LARP4B: variants seen among roughly 807,000 people sequenced by gnomAD.
The protein encoded by LARP4B is la-related protein 4B.
A neutral mutation model predicts 89.8 loss-of-function variants in LARP4B; 12 were observed. The ratio of observed to expected loss-of-function variants is 0.13; its 90% CI spans 0.09 to 0.22. The LOEUF (loss-of-function observed/expected upper bound fraction) is 0.22. Among genes scored for constraint, LARP4B ranks in the 10% least tolerant of loss-of-function variants. The pLI is 1.00. For missense variants in LARP4B, 757 were observed against 947.7 expected (o/e 0.80, Z 2.64); for synonymous variants, 367 against 363.3 (o/e 1.01, Z -0.12).
At chr10:915,516 T>C (rs1008750231) in intron 1 of LARP4B, among the ~76,000 whole-genome samples, 5 of 152,082 alleles carry the variant, frequency 3.3e-5, no homozygotes, top group African/African-American at 4.8e-5. Flanking sequence ...AAAGTTTTTG[T>C]TTTTTTGGCC....
At chr10:969,037 T>C in the LARP4B span, among the ~76,000 whole-genome samples, 1 of 152,198 alleles carries the variant, frequency 6.6e-6, no homozygotes, top group Non-Finnish European at 1.5e-5. Context: ...GCACCGTATC[T>C]TAAGAGAGAC....
At chr10:836,722 G>A (rs1400996700) in intron 7 of LARP4B, among the ~76,000 whole-genome samples, 2 of 152,148 alleles carry the variant, frequency 1.3e-5, no homozygotes, top group Admixed American at 6.5e-5. Flanking sequence ...ATGAAACAAA[G>A]GTTCTAAACA....
At chr10:856,490 A>G (rs777947251) in intron 5 of LARP4B, among the ~76,000 whole-genome samples, 1 of 152,246 alleles carries the variant, frequency 6.6e-6, no homozygotes, top group Non-Finnish European at 1.5e-5. Flanking sequence ...CAAATTGGAC[A>G]GACAGACAGA....
chr10:872,350 C>G (rs1835256040), intron 3 of LARP4B, among the ~76,000 whole-genome samples: 1 of 152,210 alleles, frequency 6.6e-6, no homozygotes, highest in Non-Finnish European at 1.5e-5. Flanking sequence ...GCTCGCCCGC[C>G]CCTGACATGG....
At chr10:924,711 G>C (rs1451142057) in intron 1 of LARP4B, among the ~76,000 whole-genome samples, 3 of 152,086 alleles carry the variant, frequency 2.0e-5, no homozygotes, top group Admixed American at 2.0e-4. Flanking sequence ...TCCAACCTCG[G>C]TGCCACCATC....
At chr10:945,435 C>T in the LARP4B span, among the ~76,000 whole-genome samples, 46 of 149,616 alleles carry the variant, frequency 3.1e-4, no homozygotes, top group African/African-American at 9.4e-4. Flanking sequence ...ACCTGTAATC[C>T]CAGCACTTTG....
intron 1 of LARP4B, among the ~76,000 whole-genome samples, chr10:906,887 AC>A (rs961977739): frequency 5.9e-5 from 9 of 152,194 alleles, no homozygotes; most frequent in Non-Finnish European, 5.9e-5. Flanking sequence ...GAACTGAATT[AC>A]CACCCAGTTT....
chr10:876,071 T>C (rs1301510863), intron 3 of LARP4B, among the ~76,000 whole-genome samples: 5 of 152,234 alleles, frequency 3.3e-5, no homozygotes, highest in East Asian at 1.9e-4. Flanking sequence ...CAAAATACAA[T>C]GGTGGGACAG....
chr10:841,395 T>G (rs1054879092), intron 7 of LARP4B, among the ~76,000 whole-genome samples: 1 of 152,166 alleles, frequency 6.6e-6, no homozygotes, highest in East Asian at 1.9e-4. Flanking sequence ...GGATAAAAGT[T>G]AAGTCATAAA....
chr10:888,171 T>C (rs1309618903), intron 1 of LARP4B, among the ~76,000 whole-genome samples: 1 of 151,656 alleles, frequency 6.6e-6, no homozygotes, highest in African/African-American at 2.4e-5. Flanking sequence ...AATACAAAAA[T>C]GAGCTGGGCC....
At chr10:986,994 G>C in the LARP4B span, 1 of 151,982 alleles carries the variant, frequency 6.6e-6, no homozygotes, top group African/African-American at 2.4e-5. Context: ...GCAAAGTATT[G>C]ACTGGACTTA....
intron 3 of LARP4B, 58 bp downstream of exon 3, chr10:884,389 T>C: frequency 8.9e-7 from 1 of 1,120,444 alleles, no homozygotes; most frequent in South Asian, 1.3e-5. Context: ...CTTAAGGAAG[T>C]ATCTCTGAGC....
Position 820,807 on chromosome 10 carries a change from T to C in LARP4B, c.1523A>G (p.Lys508Arg), listed in dbSNP as rs1389013664. 3 of 1,613,308 alleles carry C rather than the reference T, an allele frequency of 1.9e-6. No individual in the cohort carries two copies. Among genetic ancestry groups the C allele is most frequent in the Middle Eastern group, 1.6e-4 (1 of 6,080 alleles). ...SFGYRKKREE[K>R]FTSSQTQSPT... is the part of the protein sequence containing the mutation. Reference sequence around the variant, plus strand: ...TATGCTTTATGTACTCACTGTAAACTTCTCCTCCCTTTTCTTCCGGTAGCC... The same window carrying C: ...TATGCTTTATGTACTCACTGTAAACCTCTCCTCCCTTTTCTTCCGGTAGCC... The change falls in exon 14 of 18, where the codon AAG (lysine) becomes AGG (arginine). Residue 508 changes from lysine to arginine, a missense_variant. Lys to Arg is a conservative substitution (Grantham distance 26, BLOSUM62 2). Transcript: ENST00000316157.
At chr10:909,725 C>A (rs538392518) in intron 1 of LARP4B, among the ~76,000 whole-genome samples, 1 of 151,952 alleles carries the variant, frequency 6.6e-6, no homozygotes, top group South Asian at 2.1e-4. Flanking sequence ...GCGGAGGTTG[C>A]AGTGAGCTGA....
chr10:852,620 C>G (rs1042567251), intron 5 of LARP4B, among the ~76,000 whole-genome samples: 10 of 152,090 alleles, frequency 6.6e-5, no homozygotes, highest in African/African-American at 2.2e-4. Flanking sequence ...TACTGGAGGG[C>G]CTATCTAGTA....
At chr10:809,493 A>AAC (rs2131578632), downstream of LARP4B, 1 of 152,366 alleles carries the variant, frequency 6.6e-6, no homozygotes, top group East Asian at 1.9e-4. Context: ...ATGTTTAGAA[A>AAC]AGATGCATTA....
intron 5 of LARP4B, among the ~76,000 whole-genome samples, chr10:852,521 T>C (rs1194126772): frequency 6.6e-6 from 1 of 152,218 alleles, no homozygotes; most frequent in Non-Finnish European, 1.5e-5. Context: ...CCACTAACGT[T>C]ATACTTCATG....
chr10:864,291 G>A (rs750182695), intron 3 of LARP4B, 21 bp from the exon 4 acceptor site: 2 of 1,612,928 alleles, frequency 1.2e-6, no homozygotes, highest in Non-Finnish European at 1.7e-6. Flanking sequence ...ATGTAAGATA[G>A]ACATTTGTAT....
intron 3 of LARP4B, among the ~76,000 whole-genome samples, chr10:872,605 C>T (rs902578876): frequency 6.6e-6 from 1 of 152,170 alleles, no homozygotes; most frequent in Non-Finnish European, 1.5e-5. Flanking sequence ...GAACGCTGAC[C>T]ACCATTTCTT....
Sources: allele counts gnomAD v4.1 joint callset (sites outside exome capture counted in the v4.1 genomes callset), GRCh38; gene constraint gnomAD v4.1.1; transcripts MANE v1.5; gene names NCBI Gene and HGNC (gene_info 2026-07-23, HGNC 2026-07-21).